LGALS8: variants seen among roughly 807,000 people sequenced by gnomAD.
LGALS8 encodes galectin-8.
In LGALS8, 30 loss-of-function variants were observed where a neutral mutation model predicts 35.9. The ratio of observed to expected loss-of-function variants is 0.83; its 90% CI spans 0.62 to 1.13. The LOEUF (loss-of-function observed/expected upper bound fraction) is 1.13, where lower values mean the gene tolerates loss of function less well. Ranked by LOEUF, LGALS8 falls within the 50% of genes most tolerant of loss-of-function variation. The pLI is 0.00. For synonymous variants in LGALS8, 138 were observed against 136.1 expected, an observed-to-expected ratio of 1.01 and a Z score of -0.10; for missense variants, 366 against 388.7, an observed-to-expected ratio of 0.94 and a Z score of 0.49.
Position 236,550,999 on chromosome 1 carries a change from A to AG in LGALS8, c.*2838_*2839insG. ...TACTTCTTCACATTCATCTAAAAAA[A>AG]AAAAAAAAAAATCAAAATTAAAATC... is the stretch of plus-strand genomic sequence containing the variant. On this transcript the variant is annotated 3_prime_UTR_variant, in exon 10 of 10. Transcript: ENST00000366584. 1 of 1,554,900 alleles carries AG rather than the reference A, an allele frequency of 6.4e-7. No homozygotes were observed. The highest frequency in any genetic ancestry group is 8.6e-7 in the Non-Finnish European group (1 of 1,158,834).
chr1:236,529,679 T>G (rs1661039234), intron 2 of LGALS8, among the ~76,000 whole-genome samples: 1 of 146,024 alleles, frequency 6.8e-6, no homozygotes, highest in Admixed American at 6.9e-5. Flanking sequence ...GATGGAGGCT[T>G]GCTCTATTGC....
chr1:236,534,699 G>T lies in LGALS8; in HGVS notation c.46-2798G>T, dbSNP rs1295301319. ...AAAACTAAAGCAGCAAGTGGCCACCGTTCTTAGCATAGTTGTTTCTCAAAC... is the reference window on the plus strand; with the variant it reads ...AAAACTAAAGCAGCAAGTGGCCACCTTTCTTAGCATAGTTGTTTCTCAAAC... On this transcript the variant is annotated intron_variant, in intron 2 of 9. Transcript: ENST00000366584. Among the ~76,000 whole-genome samples the T allele has an allele frequency of 2.6e-5, 4 of 151,960 alleles. No individual in the cohort carries two copies. In the South Asian group the frequency reaches 8.3e-4, roughly 32 times the overall value.
rs755886976 is a variant in LGALS8, at chr1:236,526,687, G to A, written c.45+572G>A. Among the ~76,000 whole-genome samples, 2 of 152,144 alleles carry A rather than the reference G, an allele frequency of 1.3e-5. No homozygotes were observed. Among genetic ancestry groups the A allele is most frequent in the Non-Finnish European group, 2.9e-5 (2 of 68,016 alleles). On this transcript the variant is annotated intron_variant, in intron 2 of 9. Transcript: ENST00000366584. This position sits in a 1 kb window ranked among gnomAD's most constrained non-coding sequence, Gnocchi z 4.6. Reference sequence around the variant, plus strand: ...CCTGAGCAGTAAAGAGCTTGTTTTAGTTTTATGTGGTGGTGAGAATCTTTA... The same window carrying A: ...CCTGAGCAGTAAAGAGCTTGTTTTAATTTTATGTGGTGGTGAGAATCTTTA...
In LGALS8 at chr1:236,534,900, A is replaced by T. The variant is rs1661373787; in HGVS notation, c.46-2597A>T. On this transcript the variant is annotated intron_variant, in intron 2 of 9. Coordinates refer to ENST00000366584, the MANE Select transcript of LGALS8 (RefSeq NM_201544.4). The stretch of plus-strand genomic sequence containing the variant: ...ACATGGCAAAACCCCATCTCTCTAA[A>T]AGTACAAAAAATTAGCTGGGCATGG... Among the ~76,000 whole-genome samples the T allele has an allele frequency of 2.0e-5, 3 of 151,918 alleles. No individual in the cohort carries two copies. The South Asian group carries it at 6.2e-4, about 32-fold the overall frequency.
At chr1:236,521,465 G>A (rs1282345737), upstream of LGALS8, among the ~76,000 whole-genome samples, 1 of 152,222 alleles carries the variant, frequency 6.6e-6, no homozygotes, top group Non-Finnish European at 1.5e-5. Flanking sequence ...ATCACAGTGT[G>A]TGAGGATTCG....
At chr1:236,520,139 T>C (rs186950921), upstream of LGALS8, among the ~76,000 whole-genome samples, 1 of 151,960 alleles carries the variant, frequency 6.6e-6, no homozygotes, top group African/African-American at 2.4e-5. Context: ...GTATTTTTAG[T>C]AGAAACAGGG....
At chr1:236,540,434 T>C (rs2243405) in intron 4 of LGALS8, 130 bp from the exon 5 acceptor site, 760,607 of 1,090,532 alleles carry the variant, frequency 0.7, 263,864 homozygotes, top group Non-Finnish European at 0.71. Context: ...CATTTGGTCA[T>C]GTGTGTGGAG....
At chr1:236,520,002 G>A (rs1660507701), upstream of LGALS8, among the ~76,000 whole-genome samples, 1 of 141,842 alleles carries the variant, frequency 7.1e-6, no homozygotes, top group Non-Finnish European at 1.5e-5. Flanking sequence ...TGTTGCCCAG[G>A]CTGGAGTACA....
At position 236,544,758 on chromosome 1, in the gene LGALS8, T is replaced by G. The variant is rs780768628; in HGVS notation, c.647T>G (p.Val216Gly). The change falls in exon 9 of 10, where the codon GTT (valine) becomes GGT (glycine). Residue 216 changes from valine (V) to glycine (G), a missense_variant. Coordinates refer to ENST00000366584, the MANE Select transcript of LGALS8 (RefSeq NM_201544.4). ...EVNANAKSFNVDLLAGKSKDI... is the reference protein window; with the variant it reads ...EVNANAKSFNGDLLAGKSKDI... ...TCTTTCTTTCTCAAAAGCTTTAATG[T>G]TGACCTACTAGCAGGAAAATCAAAG... 4.4e-6 allele frequency: 7 copies of G among 1,599,782 alleles called. No homozygotes were observed. In the Admixed American group the frequency reaches 1.1e-4, roughly 24 times the overall value.
rs748629634 is a variant in LGALS8, at chr1:236,540,554, A to G, written c.346-10A>G. 2 of 1,551,522 alleles carry G rather than the reference A, an allele frequency of 1.3e-6. No individual in the cohort carries two copies. The highest frequency in any genetic ancestry group is 1.2e-5 in the South Asian group (1 of 82,314). On this transcript the variant is annotated splice_polypyrimidine_tract_variant and intron_variant, in intron 4 of 9. Transcript: ENST00000366584. ...TGGCGGGGGGGGCTCTGTCTTCTGT[A>G]TCTCTCTAGGTGGCTGTAAATGGAA...
At chr1:236,540,515 C>A in intron 4 of LGALS8, 49 bp from the exon 5 acceptor site, 2 of 1,449,956 alleles carry the variant, frequency 1.4e-6, no homozygotes, top group Admixed American at 2.7e-5. Context: ...AATTTATTAA[C>A]TGTTTTTTTT....
intron 7 of LGALS8, chr1:236,543,112 T>A: frequency 7.1e-7 from 1 of 1,401,962 alleles, no homozygotes; most frequent in South Asian, 1.2e-5. Context: ...GAGTAACCTG[T>A]ATCCACAATA....
At chr1:236,534,369 A>G (rs1661336690) in intron 2 of LGALS8, among the ~76,000 whole-genome samples, 1 of 152,208 alleles carries the variant, frequency 6.6e-6, no homozygotes, top group Non-Finnish European at 1.5e-5. Flanking sequence ...AGCAATATGA[A>G]TCAGCAAGGG....
intron 4 of LGALS8, 54 bp downstream of exon 4, chr1:236,539,143 G>C: frequency 7.1e-7 from 1 of 1,416,016 alleles, no homozygotes; most frequent in Non-Finnish European, 1.0e-6. Flanking sequence ...GGAGTGCACA[G>C]GGGTGCTTTT....
chr1:236,543,179 T>A, intron 7 of LGALS8: 1 of 744,818 alleles, frequency 1.3e-6, no homozygotes, highest in Non-Finnish European at 2.3e-6. Context: ...GATTCGAGAG[T>A]CAACCAGGCC....
At chr1:236,547,737 G>T (rs1296479302) in intron 9 of LGALS8, among the ~76,000 whole-genome samples, 2 of 152,192 alleles carry the variant, frequency 1.3e-5, no homozygotes, top group East Asian at 3.9e-4. Flanking sequence ...AGGGAGAGGG[G>T]CTGTGTTGAG....
chr1:236,544,711 GGT>G, intron 8 of LGALS8, 37 bp from the exon 9 acceptor site: 1 of 1,489,990 alleles, frequency 6.7e-7, no homozygotes, highest in South Asian at 1.2e-5. Context: ...TGTCCTACTT[GGT>G]TAATTAAGGT....
At chr1:236,536,853 C>CT (rs111766713) in intron 2 of LGALS8, 352 of 142,944 alleles carry the variant, frequency 2.5e-3, no homozygotes, top group Middle Eastern at 3.7e-3. Flanking sequence ...TGCAACAAGT[C>CT]TTTTTTTTTT....
chr1:236,524,213 G>A lies in LGALS8; in HGVS notation c.-104+152G>A, dbSNP rs778136056. On this transcript the variant is annotated intron_variant, in intron 1 of 9. Coordinates refer to ENST00000366584, the MANE Select transcript of LGALS8 (RefSeq NM_201544.4). ...GACAGTGTCCAGTCCACCCCGACCC[G>A]CCGGTCCTCACCGCGGCAGAGCCGG... 2.8e-5 allele frequency: 13 copies of A among 456,356 alleles called. No homozygotes were observed. In the Middle Eastern group the frequency reaches 1.9e-3, roughly 68 times the overall value. 28.3% of individuals were successfully genotyped at this position (456,356 alleles called of 1,614,324 possible). A position where few individuals can be genotyped will look rare whatever the true frequency, so the allele number is the denominator to read the frequency against.
Sources: allele counts gnomAD v4.1 joint callset (sites outside exome capture counted in the v4.1 genomes callset), GRCh38; gene constraint gnomAD v4.1.1; non-coding constraint Gnocchi (gnomAD v3.1); transcripts MANE v1.5; gene names NCBI Gene and HGNC (gene_info 2026-07-23, HGNC 2026-07-21).